TTC17: variants seen among roughly 807,000 people sequenced by gnomAD.
TTC17 encodes the protein tetratricopeptide repeat domain 17.
In TTC17, 58 loss-of-function variants were observed where a neutral mutation model predicts 143.8. The observed-to-expected ratio is 0.40, with a 90% CI of 0.33 to 0.50. TTC17 has a LOEUF of 0.50. TTC17 is among the 20% of genes least tolerant of loss of function. The pLI is 0.49. For synonymous variants in TTC17, 501 were observed against 497.8 expected, an observed-to-expected ratio of 1.01 and a Z score of -0.09; for missense variants, 1,273 against 1,392.5, an observed-to-expected ratio of 0.91 and a Z score of 1.37.
chr11:43,369,336 C>A (rs909707588), intron 1 of TTC17, among the ~76,000 whole-genome samples: 2 of 152,214 alleles, frequency 1.3e-5, no homozygotes, highest in South Asian at 4.2e-4. Context: ...TATAGATGTT[C>A]AAATCTAGAT....
At chr11:43,372,373 T>G (rs1010009873) in intron 1 of TTC17, among the ~76,000 whole-genome samples, 1 of 151,840 alleles carries the variant, frequency 6.6e-6, no homozygotes, top group Admixed American at 6.6e-5. Flanking sequence ...CATGATCTCC[T>G]TTCACTGCAA....
intron 1 of TTC17, among the ~76,000 whole-genome samples, chr11:43,374,976 G>A (rs1199456619): frequency 6.6e-6 from 1 of 152,158 alleles, no homozygotes; most frequent in Non-Finnish European, 1.5e-5. Flanking sequence ...GTGAAAATTA[G>A]GTGGAAGTTT....
At chr11:43,470,039 A>G (rs1237106447) in intron 21 of TTC17, among the ~76,000 whole-genome samples, 1 of 152,234 alleles carries the variant, frequency 6.6e-6, no homozygotes, top group Non-Finnish European at 1.5e-5. Context: ...TTTACAAAAT[A>G]TGGACGGTAA....
At position 43,404,065 on chromosome 11, in the gene TTC17, A is replaced by G. The variant is rs984784898; in HGVS notation, c.1400A>G (p.Asp467Gly). ...VNFDVQSNQS[D>G]INDSVKSSPV... ...TTTGATGTTCAATCAAATCAGAGTG[A>G]TATCAATGATTCGGTCAAGTCTTCT... The change falls in exon 11 of 24, where the codon GAT becomes GGT. Residue 467 changes from aspartate to glycine, a missense_variant. Asp to Gly is a moderately conservative substitution (Grantham distance 94, BLOSUM62 -1). Transcript: ENST00000039989. The G allele has an allele frequency of 7.4e-6, 12 of 1,613,320 alleles. No individual in the cohort carries two copies. Among genetic ancestry groups the G allele is most frequent in the African/African-American group, 1.3e-5 (1 of 74,876 alleles).
chr11:43,373,385 G>A (rs1036236806), intron 1 of TTC17, among the ~76,000 whole-genome samples: 5 of 150,104 alleles, frequency 3.3e-5, no homozygotes, highest in Non-Finnish European at 7.4e-5. Context: ...GTGCAGTGGC[G>A]CAATCTCTGC....
chr11:43,368,309 C>G (rs545267586), intron 1 of TTC17, among the ~76,000 whole-genome samples: 69 of 152,162 alleles, frequency 4.5e-4, no homozygotes, highest in Non-Finnish European at 8.5e-4. Flanking sequence ...GAACTTCAGA[C>G]TCATATATCC....
At chr11:43,477,254 G>A (rs1217285921) in intron 21 of TTC17, among the ~76,000 whole-genome samples, 1 of 152,192 alleles carries the variant, frequency 6.6e-6, no homozygotes, top group South Asian at 2.1e-4. Flanking sequence ...TCTCTAGGAA[G>A]TTCCAGACTT....
rs776683847 is a variant in TTC17, at chr11:43,443,554, C to T, written c.2481C>T (p.Cys827=). The T allele has an allele frequency of 3.1e-6, 5 of 1,613,054 alleles. No individual in the cohort carries two copies. Among genetic ancestry groups the T allele is most frequent in the Non-Finnish European group, 3.4e-6 (4 of 1,179,448 alleles). ...CCAGAAGCTCTTGCTATGGAGACTGCAGAAGTGAAGATGATGAAGCAACAG... is the reference window on the plus strand; with the variant it reads ...CCAGAAGCTCTTGCTATGGAGACTGTAGAAGTGAAGATGATGAAGCAACAG... The part of the protein sequence containing the change: ...GVARSSCYGD[C]RSEDDEATEW... The change falls in exon 17 of 24, where the codon TGC becomes TGT. Residue 827 remains cysteine, a synonymous_variant. Transcript: ENST00000039989.
chr11:43,492,006 CCTT>C lies in TTC17; in HGVS notation c.3151-8_3151-6del, dbSNP rs756112349. ...CCCAATTTTCCCTTCTCACCATTCTCCTTCTTCTCCCAGGATGTGCCCCTGATT... is the reference window on the plus strand; with the variant it reads ...CCCAATTTTCCCTTCTCACCATTCTCCTTCTCCCAGGATGTGCCCCTGATT... On this transcript the variant is annotated splice_polypyrimidine_tract_variant and intron_variant, in intron 22 of 23. Coordinates refer to ENST00000039989, the MANE Select transcript of TTC17 (RefSeq NM_018259.6). 6.8e-6 allele frequency: 11 copies of C among 1,612,370 alleles called. No homozygotes were observed. Among genetic ancestry groups the C allele is most frequent in the African/African-American group, 6.7e-5 (5 of 74,878 alleles).
At chr11:43,430,287 G>T (rs1486977639) in intron 16 of TTC17, among the ~76,000 whole-genome samples, 3 of 152,116 alleles carry the variant, frequency 2.0e-5, no homozygotes, top group East Asian at 1.9e-4. Context: ...AATTAGCCAG[G>T]TGTGGTGGCG....
intron 1 of TTC17, among the ~76,000 whole-genome samples, chr11:43,371,558 C>A (rs947251758): frequency 1.3e-5 from 2 of 152,198 alleles, no homozygotes; most frequent in Non-Finnish European, 2.9e-5. Flanking sequence ...GTTTGGCTCT[C>A]CGGAATCTCC....
At chr11:43,449,986 TA>T in intron 19 of TTC17, 95 bp from the exon 20 acceptor site, 1 of 1,362,694 alleles carries the variant, frequency 7.3e-7, no homozygotes. Flanking sequence ...AGCTGATTGT[TA>T]ATGCTGTCTC....
In TTC17 at chr11:43,451,175, C is replaced by T. The variant is rs1782005431; in HGVS notation, c.2947-7C>T. The stretch of plus-strand genomic sequence containing the variant: ...TTCTTCTAATCTACTATCTTCCTTC[C>T]TTCCAGGTATTACAAAATCTCGGCA... On this transcript the variant is annotated splice_polypyrimidine_tract_variant and splice_region_variant and intron_variant, in intron 20 of 23. Transcript: ENST00000039989. 1.2e-6 allele frequency: 2 copies of T among 1,612,720 alleles called. No individual in the cohort carries two copies. Among genetic ancestry groups the T allele is most frequent in the Non-Finnish European group, 1.7e-6 (2 of 1,178,972 alleles).
At chr11:43,370,068 T>C (rs1379011667) in intron 1 of TTC17, 1 of 455,814 alleles carries the variant, frequency 2.2e-6, no homozygotes. Flanking sequence ...ATTACACATT[T>C]GTTTTGACAG....
At chr11:43,363,702 C>T (rs565851609) in intron 1 of TTC17, among the ~76,000 whole-genome samples, 3 of 152,178 alleles carry the variant, frequency 2.0e-5, no homozygotes, top group Non-Finnish European at 4.4e-5. Flanking sequence ...GAGAGAAAGT[C>T]ACTCAAAGTC....
intron 21 of TTC17, among the ~76,000 whole-genome samples, chr11:43,471,914 C>T (rs981941760): frequency 1.3e-5 from 2 of 152,054 alleles, no homozygotes; most frequent in Non-Finnish European, 2.9e-5. Context: ...GACAGATAAA[C>T]CTAATATATC....
At chr11:43,482,438 C>A (rs372889301) in intron 21 of TTC17, among the ~76,000 whole-genome samples, 5 of 151,410 alleles carry the variant, frequency 3.3e-5, no homozygotes, top group African/African-American at 1.2e-4. Flanking sequence ...TTTTTTTGAC[C>A]CATGAGTTAT....
At chr11:43,422,985 G>A (rs1410516242) in intron 16 of TTC17, among the ~76,000 whole-genome samples, 5 of 152,174 alleles carry the variant, frequency 3.3e-5, no homozygotes, top group African/African-American at 1.2e-4. Context: ...TGCAGCTTAG[G>A]GCTAACTGTA....
intron 21 of TTC17, among the ~76,000 whole-genome samples, chr11:43,479,643 G>A (rs530432291): frequency 6.6e-6 from 1 of 152,254 alleles, no homozygotes; most frequent in African/African-American, 2.4e-5. Flanking sequence ...TTTCAGTCAG[G>A]GTACTGTCAG....
Sources: gnomAD v4.1 joint callset for allele counts (sites outside exome capture counted in the v4.1 genomes callset) on GRCh38, gnomAD v4.1.1 for gene constraint, MANE v1.5 for transcripts, NCBI Gene and HGNC (gene_info 2026-07-23, HGNC 2026-07-21) for gene names.